RAB43: variants seen among roughly 807,000 people sequenced by gnomAD.
RAB43 encodes ras-related protein Rab-43.
A neutral mutation model predicts 18.8 loss-of-function variants in RAB43; 6 were observed. That is an observed-to-expected ratio of 0.32 (90% CI 0.17 to 0.63). The LOEUF (loss-of-function observed/expected upper bound fraction) is 0.63. Ranked by LOEUF, RAB43 falls within the 30% of genes least tolerant of loss-of-function variation. The pLI is 0.79. For synonymous variants in RAB43, 103 were observed against 124.1 expected, an observed-to-expected ratio of 0.83 and a Z score of 1.13; for missense variants, 195 against 289.1, an observed-to-expected ratio of 0.67 and a Z score of 2.36.
At chr3:129,099,394 A>AT (rs979039944) in intron 1 of RAB43, among the ~76,000 whole-genome samples, 10 of 121,942 alleles carry the variant, frequency 8.2e-5, no homozygotes, top group African/African-American at 1.3e-4. Flanking sequence ...CCTGGCCTTA[A>AT]TTTTTTTTTT....
At chr3:129,106,209 T>C (rs1045106891) in intron 1 of RAB43, among the ~76,000 whole-genome samples, 11 of 152,220 alleles carry the variant, frequency 7.2e-5, no homozygotes, top group African/African-American at 2.4e-4. Flanking sequence ...AGGTTTTACT[T>C]GACAAGACTT....
chr3:129,101,929 A>C (rs1254067060), intron 1 of RAB43, among the ~76,000 whole-genome samples: 1 of 152,162 alleles, frequency 6.6e-6, no homozygotes, highest in African/African-American at 2.4e-5. Context: ...CTTTGCACAC[A>C]CACAAAGGCC....
In RAB43 at chr3:129,121,068, G is replaced by GCCCCCCCCCCCCCCCCCCCCCCC. The variant is rs56235562; in HGVS notation, c.204+217_204+218insGGGGGGGGGGGGGGGGGGGGGGG. 4.9e-5 allele frequency among the ~76,000 whole-genome samples: 4 copies of GCCCCCCCCCCCCCCCCCCCCCCC among 82,152 alleles called. 1 individual carries two copies. The highest frequency in any genetic ancestry group is 2.2e-4 in the African/African-American group (4 of 18,108). 53.9% of individuals were successfully genotyped at this position (82,152 alleles called of 152,430 possible). ...AGGGCCGCCTCCTCCACACTCCCTC[G>GCCCCCCCCCCCCCCCCCCCCCCC]CCCCCCCCCCCCCCAGCAACCCACG... On this transcript the variant is annotated intron_variant, in intron 1 of 2. Transcript: ENST00000315150.
intron 1 of RAB43, among the ~76,000 whole-genome samples, chr3:129,097,701 C>T (rs990649779): frequency 2.0e-5 from 3 of 152,132 alleles, no homozygotes; most frequent in African/African-American, 4.8e-5. Context: ...AACTTGGAGC[C>T]GGTCAGAGGG....
At chr3:129,116,062 CTATTT>C (rs1935504720) in intron 1 of RAB43, among the ~76,000 whole-genome samples, 1 of 152,122 alleles carries the variant, frequency 6.6e-6, no homozygotes, top group African/African-American at 2.4e-5. Context: ...TATAACTGTT[CTATTT>C]TGTTATTAAT....
In RAB43 at chr3:129,091,065, G is replaced by C; in HGVS notation, c.*31C>G. 6.2e-7 allele frequency: 1 copy of C among 1,608,596 alleles called. No homozygotes were observed. The highest frequency in any genetic ancestry group is 8.5e-7 in the Non-Finnish European group (1 of 1,178,794). ...CAGGCTGGGGAGAGCAAGGAGGTGG[G>C]GAACCCCCAGTCTGCCGGCCCGGCC... On this transcript the variant is annotated 3_prime_UTR_variant, in exon 3 of 3. Coordinates refer to ENST00000315150, the MANE Select transcript of RAB43 (RefSeq NM_198490.3).
At chr3:129,092,297 G>A (rs1933717093) in intron 2 of RAB43, among the ~76,000 whole-genome samples, 1 of 152,154 alleles carries the variant, frequency 6.6e-6, no homozygotes, top group African/African-American at 2.4e-5. Flanking sequence ...CTGTTTTTAA[G>A]TGTTTAAATA....
At position 129,098,391 on chromosome 3, in the gene RAB43, T is replaced by A. The variant is rs147377276; in HGVS notation, c.205-3222A>T. 5.1e-4 allele frequency among the ~76,000 whole-genome samples: 78 copies of A among 152,304 alleles called. No individual in the cohort carries two copies. The East Asian group carries it at 0.014, about 28-fold the overall frequency. The stretch of plus-strand genomic sequence containing the variant: ...CAAGCCTAAACGAATAACTTCAAGG[T>A]GATCAGCCAGTAACTGAATTGACTA... On this transcript the variant is annotated intron_variant, in intron 1 of 2. Transcript: ENST00000315150.
In RAB43 at chr3:129,091,198, C is replaced by T. The variant is rs2107973194; in HGVS notation, c.537G>A (p.Glu179=). 6.3e-7 allele frequency: 1 copy of T among 1,583,820 alleles called. No homozygotes were observed. Among genetic ancestry groups the T allele is most frequent in the Admixed American group, 1.8e-5 (1 of 56,250 alleles). ...VEEAFLRVAT[E]LIMRHGGPLF... Reference sequence around the variant, plus strand: ...AGGGGCCCCCGTGCCGCATGATGAGCTCCGTGGCCACCCTCAGGAAGGCCT... The same window carrying T: ...AGGGGCCCCCGTGCCGCATGATGAGTTCCGTGGCCACCCTCAGGAAGGCCT... The change falls in exon 3 of 3, where the codon GAG becomes GAA. Residue 179 remains glutamate (E), a synonymous_variant. Transcript: ENST00000315150.
Position 129,121,458 on chromosome 3 carries a change from G to C in RAB43, c.32C>G (p.Pro11Arg). The C allele has an allele frequency of 6.2e-7, 1 of 1,612,462 alleles. No homozygotes were observed. Residue 11 changes from proline to arginine, a missense_variant, in exon 1 of 3, where the codon CCG becomes CGG. Coordinates refer to ENST00000315150, the MANE Select transcript of RAB43 (RefSeq NM_198490.3). MAGPGPGPGD[P>R]DEQYDFLFKL... ...GAACAGGAAATCGTACTGCTCGTCC[G>C]GGTCCCCCGGGCCTGGGCCCGGCCC...
At chr3:129,102,484 G>T (rs1016213680) in intron 1 of RAB43, among the ~76,000 whole-genome samples, 2 of 151,948 alleles carry the variant, frequency 1.3e-5, no homozygotes, top group Non-Finnish European at 2.9e-5. Flanking sequence ...CAAAAAATTA[G>T]CTGGGCGTGG....
At chr3:129,104,269 C>T (rs188702988) in intron 1 of RAB43, among the ~76,000 whole-genome samples, 47 of 152,330 alleles carry the variant, frequency 3.1e-4, no homozygotes, top group African/African-American at 8.4e-4. Flanking sequence ...CGCACTTTCT[C>T]TATCCCCCAC....
chr3:129,105,824 G>A (rs576689946), intron 1 of RAB43, among the ~76,000 whole-genome samples: 7 of 151,862 alleles, frequency 4.6e-5, no homozygotes, highest in East Asian at 3.9e-4. Flanking sequence ...AACAAAAAGC[G>A]GGCTTTGTAG....
intron 1 of RAB43, among the ~76,000 whole-genome samples, chr3:129,100,407 A>G (rs1173190833): frequency 6.6e-6 from 1 of 152,218 alleles, no homozygotes; most frequent in Non-Finnish European, 1.5e-5. Flanking sequence ...CCTGAGCAAC[A>G]GACTGAGACC....
chr3:129,108,804 T>C (rs1934951662), intron 1 of RAB43, among the ~76,000 whole-genome samples: 1 of 151,972 alleles, frequency 6.6e-6, no homozygotes, highest in Non-Finnish European at 1.5e-5. Context: ...TCAACAGAAA[T>C]GGAGAAAGCT....
intron 1 of RAB43, among the ~76,000 whole-genome samples, chr3:129,103,651 G>A (rs756989699): frequency 6.6e-5 from 10 of 151,354 alleles, no homozygotes; most frequent in Non-Finnish European, 1.3e-4. Context: ...TGCAACCTCC[G>A]CCTCCCAGCT....
At position 129,121,668 on chromosome 3, in the gene RAB43, C is replaced by A; in HGVS notation, c.-179G>T. ...TGCCTCGGCCTCGGCCCCGCCCCAC[C>A]CCGGCTGGCTCCCGCCCCGGCCCGG... On this transcript the variant is annotated 5_prime_UTR_variant, in exon 1 of 3. Coordinates refer to ENST00000315150, the MANE Select transcript of RAB43 (RefSeq NM_198490.3). 1 of 433,140 alleles carries A rather than the reference C, an allele frequency of 2.3e-6. No homozygotes were observed. Among genetic ancestry groups the A allele is most frequent in the South Asian group, 6.6e-5 (1 of 15,260 alleles). The allele number at this position is 433,140 out of a possible 1,614,324, so 26.8% of individuals were successfully genotyped here. A position where few individuals can be genotyped will look rare whatever the true frequency, so the allele number is the denominator to read the frequency against.
intron 1 of RAB43, among the ~76,000 whole-genome samples, chr3:129,120,850 T>TTCTCTGGC (rs1283444788): frequency 1.3e-5 from 2 of 152,172 alleles, no homozygotes; most frequent in Non-Finnish European, 2.9e-5. Flanking sequence ...GGGGATGCAG[T>TTCTCTGGC]TCTCTGGCTG....
intron 1 of RAB43, among the ~76,000 whole-genome samples, chr3:129,097,504 T>G (rs374525856): frequency 4.6e-5 from 7 of 152,282 alleles, no homozygotes; most frequent in Admixed American, 6.5e-5. Flanking sequence ...AAATTCACCT[T>G]CCTGCTACCC....
Sources: allele counts gnomAD v4.1 joint callset (sites outside exome capture counted in the v4.1 genomes callset), GRCh38; gene constraint gnomAD v4.1.1; transcripts MANE v1.5; gene names NCBI Gene and HGNC (gene_info 2026-07-23, HGNC 2026-07-21).